FBXO45: variants seen among roughly 807,000 people sequenced by gnomAD.
The protein encoded by FBXO45 is F-box protein 45, also known as F-box/SPRY domain-containing protein 1.
FBXO45 carries 3 observed loss-of-function variants against 25.5 expected under a neutral mutation model. The ratio of observed to expected loss-of-function variants is 0.12; its 90% CI spans 0.05 to 0.30. The LOEUF (loss-of-function observed/expected upper bound fraction) is 0.30, where lower values mean the gene tolerates loss of function less well. Among genes scored for constraint, FBXO45 ranks in the 10% least tolerant of loss-of-function variants. The probability of loss-of-function intolerance (pLI) is 1.00; values close to 1 mark genes in which losing one functional copy is unlikely to be tolerated. For synonymous variants in FBXO45, 155 were observed against 149.8 expected (o/e 1.03, Z -0.25); for missense variants, 219 against 365.0 (o/e 0.60, Z 3.26).
chr3:196,570,934 A>G (rs563894292), intron 1 of FBXO45, among the ~76,000 whole-genome samples: 94 of 151,768 alleles, frequency 6.2e-4, no homozygotes, highest in African/African-American at 2.0e-3. Flanking sequence ...CATGGTCTCA[A>G]TCTCCTGACC....
At position 196,577,539 on chromosome 3, in the gene FBXO45, C is replaced by A; in HGVS notation, c.405C>A (p.Asn135Lys). 6.2e-7 allele frequency: 1 copy of A among 1,613,990 alleles called. No homozygotes were observed. Among genetic ancestry groups the A allele is most frequent in the South Asian group, 1.1e-5 (1 of 91,092 alleles). Residue 135 changes from asparagine to lysine, a missense_variant, in exon 2 of 3, where the codon AAC becomes AAA. Asn to Lys is a moderately conservative substitution (Grantham distance 94). Transcript: ENST00000311630. The stretch of plus-strand genomic sequence containing the variant: ...AGAATGGCTTTACTTTACATCGAAA[C>A]CCCATTGCTCAGAGCACTGATGGTG... Reference protein sequence around the residue: ...IKKNGFTLHRNPIAQSTDGAR... With the variant: ...IKKNGFTLHRKPIAQSTDGAR...
chr3:196,575,703 G>T (rs1183468192), intron 1 of FBXO45, among the ~76,000 whole-genome samples: 2 of 148,852 alleles, frequency 1.3e-5, no homozygotes, highest in Non-Finnish European at 3.0e-5. Context: ...TTGAGACAGG[G>T]TCTCACTTTG....
chr3:196,574,710 G>A (rs1346018274), intron 1 of FBXO45, among the ~76,000 whole-genome samples: 1 of 152,192 alleles, frequency 6.6e-6, no homozygotes, highest in Non-Finnish European at 1.5e-5. Context: ...GAAAATAAGA[G>A]CTGCTAAATT....
intron 2 of FBXO45, among the ~76,000 whole-genome samples, chr3:196,578,043 A>ATTATTTTTTTTTTT (rs1196867210): frequency 7.9e-5 from 2 of 25,192 alleles, no homozygotes; most frequent in South Asian, 1.3e-3. Flanking sequence ...GCAGAAAAAT[A>ATTATTTTTTTTTTT]TTCTTTTTTT....
At chr3:196,572,043 A>G (rs1233776053) in intron 1 of FBXO45, among the ~76,000 whole-genome samples, 1 of 152,098 alleles carries the variant, frequency 6.6e-6, no homozygotes, top group Non-Finnish European at 1.5e-5. Flanking sequence ...GGAATTTACA[A>G]ACTGAGTGGA....
At chr3:196,574,247 A>G (rs1735876457) in intron 1 of FBXO45, among the ~76,000 whole-genome samples, 1 of 152,048 alleles carries the variant, frequency 6.6e-6, no homozygotes, top group Non-Finnish European at 1.5e-5. Context: ...TTCCCATTTC[A>G]TATGAAGTTT....
chr3:196,576,565 A>G (rs554387702), intron 1 of FBXO45, among the ~76,000 whole-genome samples: 1 of 152,206 alleles, frequency 6.6e-6, no homozygotes, highest in African/African-American at 2.4e-5. Context: ...TTTAAAATAC[A>G]CAAACTAAAA....
At chr3:196,581,594 A>G (rs1416359407) in intron 2 of FBXO45, among the ~76,000 whole-genome samples, 1 of 152,070 alleles carries the variant, frequency 6.6e-6, no homozygotes, top group African/African-American at 2.4e-5. Flanking sequence ...CTTATACTAT[A>G]TTTGTAAAAA....
At position 196,569,377 on chromosome 3, in the gene FBXO45, C is replaced by T. The variant is rs962056989; in HGVS notation, c.318+75C>T. The T allele has an allele frequency of 7.9e-6, 11 of 1,397,378 alleles. No homozygotes were observed. In the African/African-American group the frequency reaches 1.3e-4, roughly 16 times the overall value. 86.6% of individuals were successfully genotyped at this position (1,397,378 alleles called of 1,614,324 possible). A position where few individuals can be genotyped will look rare whatever the true frequency, so the allele number is the denominator to read the frequency against. Reference sequence around the variant, plus strand: ...TCGTTCGCGGTGTTTCTCATCCGAGCTTCTGAGTCAGAAGCTTCGCCTCAC... The same window carrying T: ...TCGTTCGCGGTGTTTCTCATCCGAGTTTCTGAGTCAGAAGCTTCGCCTCAC... On this transcript the variant is annotated intron_variant, in intron 1 of 2. Transcript: ENST00000311630. This position sits in a 1 kb window ranked among gnomAD's most constrained non-coding sequence, Gnocchi z 4.1.
intron 1 of FBXO45, among the ~76,000 whole-genome samples, chr3:196,574,757 C>CAGAG (rs1735884737): frequency 6.6e-6 from 1 of 152,150 alleles, no homozygotes; most frequent in Admixed American, 6.5e-5. Context: ...AAGCACCCGG[C>CAGAG]AGAGAGAGAC....
At position 196,588,782 on chromosome 3, in the gene FBXO45, C is replaced by A. The variant is rs906159479; in HGVS notation, c.*4464C>A. On this transcript the variant is annotated 3_prime_UTR_variant, in exon 3 of 3. Transcript: ENST00000311630. The surrounding 1 kb of genome is among the most constrained non-coding windows in gnomAD (Gnocchi z 4.2). ...ACTGCGGAGAAAGACAAAAGCTCCT[C>A]TGAAGTTTTAGACTATAGAAGCAAA... 6.6e-6 allele frequency: 1 copy of A among 152,102 alleles called. No homozygotes were observed. The highest frequency in any genetic ancestry group is 2.4e-5 in the African/African-American group (1 of 41,406). The allele number at this position is 152,102 out of a possible 1,614,324, so 9.4% of individuals were successfully genotyped here. A position where few individuals can be genotyped will look rare whatever the true frequency, so the allele number is the denominator to read the frequency against.
At chr3:196,579,399 G>A (rs138566149) in intron 2 of FBXO45, among the ~76,000 whole-genome samples, 73 of 152,218 alleles carry the variant, frequency 4.8e-4, no homozygotes, top group Admixed American at 8.5e-4. Context: ...TAGGCTCTGC[G>A]GATACTATAA....
Position 196,573,348 on chromosome 3 carries a change from T to G in FBXO45, c.318+4046T>G, listed in dbSNP as rs140483625. ...TAAAGCTATATTATGGGACTAGATA[T>G]ATCATGGAGGGCTTTGAAATATAGC... On this transcript the variant is annotated intron_variant, in intron 1 of 2. Coordinates refer to ENST00000311630, the MANE Select transcript of FBXO45 (RefSeq NM_001105573.2). Among the ~76,000 whole-genome samples the G allele has an allele frequency of 2.0e-3, 307 of 152,322 alleles. 2 individuals are homozygous for G. Among genetic ancestry groups the G allele is most frequent in the African/African-American group, 7.0e-3 (293 of 41,574 alleles).
Position 196,585,599 on chromosome 3 carries a change from C to T in FBXO45, c.*1281C>T, listed in dbSNP as rs1027932093. The stretch of plus-strand genomic sequence containing the variant: ...TCAGGTTGGCAATATTTGAAGGTTT[C>T]GTTGTAGAAGAGTTTAACATTAACT... On this transcript the variant is annotated 3_prime_UTR_variant, in exon 3 of 3. Transcript: ENST00000311630. 2 of 152,136 alleles carry T rather than the reference C, an allele frequency of 1.3e-5. No individual in the cohort carries two copies. The highest frequency in any genetic ancestry group is 1.9e-4 in the East Asian group (1 of 5,196). 9.4% of individuals were successfully genotyped at this position (152,136 alleles called of 1,614,324 possible). A position where few individuals can be genotyped will look rare whatever the true frequency, so the allele number is the denominator to read the frequency against.
intron 2 of FBXO45, among the ~76,000 whole-genome samples, chr3:196,580,815 C>T (rs1389924087): frequency 6.9e-6 from 1 of 144,062 alleles, no homozygotes; most frequent in Non-Finnish European, 1.5e-5. Flanking sequence ...TCTGACACCT[C>T]GGCTGGAGTG....
In FBXO45 at chr3:196,585,912, C is replaced by G. The variant is rs1343146344; in HGVS notation, c.*1594C>G. 6.6e-6 allele frequency: 1 copy of G among 152,204 alleles called. No homozygotes were observed. Among genetic ancestry groups the G allele is most frequent in the African/African-American group, 2.4e-5 (1 of 41,438 alleles). 9.4% of individuals were successfully genotyped at this position (152,204 alleles called of 1,614,324 possible). A position where few individuals can be genotyped will look rare whatever the true frequency, so the allele number is the denominator to read the frequency against. On this transcript the variant is annotated 3_prime_UTR_variant, in exon 3 of 3. Transcript: ENST00000311630. ...TCCTTGGGAGTTAAGATTGTCAATACTCCTGTGAAGCAAGGGATTTCAGCC... is the reference window on the plus strand; with the variant it reads ...TCCTTGGGAGTTAAGATTGTCAATAGTCCTGTGAAGCAAGGGATTTCAGCC...
Position 196,569,149 on chromosome 3 carries a change from G to A in FBXO45, c.165G>A (p.Glu55=). The A allele has an allele frequency of 6.4e-7, 1 of 1,550,786 alleles. No homozygotes were observed. Among genetic ancestry groups the A allele is most frequent in the Non-Finnish European group, 8.7e-7 (1 of 1,146,828 alleles). The change falls in exon 1 of 3, where the codon GAG becomes GAA. Residue 55 remains glutamate (E), a synonymous_variant. Coordinates refer to ENST00000311630, the MANE Select transcript of FBXO45 (RefSeq NM_001105573.2). This position sits in a 1 kb window ranked among gnomAD's most constrained non-coding sequence, Gnocchi z 4.1. ...ELVFSYLELS[E]LRSCALVCKH... is the part of the protein sequence containing the mutation. ...TGTTCTCTTACCTGGAGCTGTCCGA[G>A]CTGCGGAGCTGCGCCCTGGTGTGCA...
intron 2 of FBXO45, among the ~76,000 whole-genome samples, chr3:196,581,225 T>TC (rs1736007067): frequency 1.1e-5 from 1 of 89,136 alleles, no homozygotes; most frequent in South Asian, 3.9e-4. Context: ...TCTTTTTCCT[T>TC]TTTTTTTTTT....
At position 196,587,303 on chromosome 3, in the gene FBXO45, A is replaced by G. The variant is rs1736154649; in HGVS notation, c.*2985A>G. 6.6e-6 allele frequency: 1 copy of G among 152,216 alleles called. No individual in the cohort carries two copies. The highest frequency in any genetic ancestry group is 6.5e-5 in the Admixed American group (1 of 15,278). The allele number at this position is 152,216 out of a possible 1,614,324, so 9.4% of individuals were successfully genotyped here. ...ATACAAGGAATTTGTGGTTAATGTC[A>G]TTTCATAGTTGCCATTATTTTCTCA... On this transcript the variant is annotated 3_prime_UTR_variant, in exon 3 of 3. Coordinates refer to ENST00000311630, the MANE Select transcript of FBXO45 (RefSeq NM_001105573.2).
Sources: allele counts gnomAD v4.1 joint callset (sites outside exome capture counted in the v4.1 genomes callset), GRCh38; gene constraint gnomAD v4.1.1; non-coding constraint Gnocchi (gnomAD v3.1); transcripts MANE v1.5; gene names NCBI Gene and HGNC (gene_info 2026-07-23, HGNC 2026-07-21).